The following SLC4A11 variants were observed in gnomAD, a reference collection of about 807,000 sequenced individuals.
SLC4A11 encodes the protein bicarbonate transporter related protein 1.
A neutral mutation model predicts 95.0 loss-of-function variants in SLC4A11; 74 were observed. That is an observed-to-expected ratio of 0.78 (90% confidence interval 0.65 to 0.95). SLC4A11 has a LOEUF of 0.95. Among genes scored for constraint, SLC4A11 ranks in the 40% least tolerant of loss-of-function variants. The pLI is 0.00. For synonymous variants in SLC4A11, 548 were observed against 519.0 expected, an observed-to-expected ratio of 1.06 and a Z score of -0.76; for missense variants, 1,081 against 1,192.4, an observed-to-expected ratio of 0.91 and a Z score of 1.38.
chr20:3,228,813 C>A, intron 17 of SLC4A11, 25 bp downstream of exon 17: 1 of 1,613,580 alleles, frequency 6.2e-7, no homozygotes, highest in Non-Finnish European at 8.5e-7. Flanking sequence ...TCAGGGTCCA[C>A]GGCTCTTGCC....
At chr20:3,233,856 C>T in intron 6 of SLC4A11, 65 bp downstream of exon 6, 1 of 1,582,616 alleles carries the variant, frequency 6.3e-7, no homozygotes, top group South Asian at 1.1e-5. Flanking sequence ...CTGCAGGGCA[C>T]AGGGGACATG....
chr20:3,236,025 G>A (rs1440108359), intron 2 of SLC4A11, among the ~76,000 whole-genome samples: 1 of 152,122 alleles, frequency 6.6e-6, no homozygotes, highest in South Asian at 2.1e-4. Context: ...CAGGAAAGGG[G>A]CCCTTATAGC....
In SLC4A11 at chr20:3,228,533, C is replaced by A. The variant is rs951150767; in HGVS notation, c.2367G>T (p.Val789=). 1.2e-6 allele frequency: 2 copies of A among 1,612,980 alleles called. No homozygotes were observed. The highest frequency in any genetic ancestry group is 2.7e-5 in the African/African-American group (2 of 74,920). ...SLDGNQLVQR[V]ALLLKEQTAY... ...TCACCTGCTCCTTGAGCAGCAGGGC[C>A]ACGCGCTGGACGAGCTGGTTGCCAT... Residue 789 remains valine (V), a synonymous_variant, in exon 18 of 20, where the codon GTG becomes GTT. Transcript: ENST00000642402.
chr20:3,229,307 G>A, intron 15 of SLC4A11, 39 bp downstream of exon 15: 1 of 1,613,024 alleles, frequency 6.2e-7, no homozygotes, highest in Non-Finnish European at 8.5e-7. Flanking sequence ...AGCGCCTGGG[G>A]AGCTACCCCA....
At chr20:3,235,132 G>A (rs981386919) in intron 2 of SLC4A11, among the ~76,000 whole-genome samples, 4 of 152,198 alleles carry the variant, frequency 2.6e-5, no homozygotes, top group East Asian at 1.9e-4. Context: ...AGGACCCTGC[G>A]CAGCTTTGAC....
At chr20:3,232,678 A>G (rs778335752) in intron 7 of SLC4A11, among the ~76,000 whole-genome samples, 9 of 152,250 alleles carry the variant, frequency 5.9e-5, no homozygotes, top group Non-Finnish European at 1.0e-4. Context: ...ACACCTCAAC[A>G]TTCCAGCCTG....
Position 3,234,702 on chromosome 20 carries a change from C to T in SLC4A11, c.241+40G>A, listed in dbSNP as rs780928373. Reference sequence around the variant, plus strand: ...AAGGCGAGTCACACCTGCCCAGTCCCGTGCCTTCCCCCAGTCTGCCCCTGC... The same window carrying T: ...AAGGCGAGTCACACCTGCCCAGTCCTGTGCCTTCCCCCAGTCTGCCCCTGC... On this transcript the variant is annotated intron_variant, in intron 3 of 19. Transcript: ENST00000642402. The surrounding 1 kb of genome is among the most constrained non-coding windows in gnomAD (Gnocchi z 5.8). The T allele has an allele frequency of 1.2e-5, 20 of 1,613,754 alleles. No homozygotes were observed. Among genetic ancestry groups the T allele is most frequent in the South Asian group, 7.7e-5 (7 of 91,082 alleles).
At chr20:3,236,978 C>T (rs1408478771) in intron 2 of SLC4A11, among the ~76,000 whole-genome samples, 1 of 152,154 alleles carries the variant, frequency 6.6e-6, no homozygotes, top group Non-Finnish European at 1.5e-5. Context: ...GTCCTGAGGG[C>T]TCTGGGTAAG....
chr20:3,228,477 ACCCACGCCACT>A, intron 18 of SLC4A11, 24 bp downstream of exon 18: 1 of 1,612,126 alleles, frequency 6.2e-7, no homozygotes, highest in Non-Finnish European at 8.5e-7. Context: ...CTGTGTCCCC[ACCCACGCCACT>A]CCCTCGCAGG....
rs1348429438 is a variant in SLC4A11, at chr20:3,230,241, C to T, written c.1435G>A (p.Ala479Thr). Residue 479 changes from alanine (A) to threonine (T), a missense_variant, in exon 13 of 20, where the codon GCC becomes ACC. Ala to Thr is a moderately conservative substitution (Grantham distance 58). Coordinates refer to ENST00000642402, the MANE Select transcript of SLC4A11 (RefSeq NM_001174089.2). The part of the protein sequence containing the change: ...LFKRSTEEII[A>T]LFISITFVLD... ...ACAAACGTGATGGAAATGAAGAGGG[C>T]GATGATCTCCTCCGTCGACCTGCCA... 4.3e-6 allele frequency: 7 copies of T among 1,613,454 alleles called. No individual in the cohort carries two copies. Among genetic ancestry groups the T allele is most frequent in the Admixed American group, 1.7e-5 (1 of 60,006 alleles).
In SLC4A11 at chr20:3,238,126, A is replaced by G. The variant is rs1266345155; in HGVS notation, c.44-538T>C. The G allele has an allele frequency of 1.2e-5, 17 of 1,453,656 alleles. No individual in the cohort carries two copies. The Admixed American group carries it at 4.7e-4, about 40-fold the overall frequency. 90.0% of individuals were successfully genotyped at this position (1,453,656 alleles called of 1,614,324 possible). A position where few individuals can be genotyped will look rare whatever the true frequency, so the allele number is the denominator to read the frequency against. On this transcript the variant is annotated intron_variant, in intron 1 of 19. Transcript: ENST00000642402. ...CGGGTCACACGGGGGCCGACAGGCA[A>G]CGGTCTCCAGTCCTGGGACCGCGTC... is the stretch of plus-strand genomic sequence containing the variant.
chr20:3,229,355 C>T lies in SLC4A11; in HGVS notation c.1840G>A (p.Glu614Lys). ...CCCGGCCCCAACTCACTCTCGATTT[C>T]CCGGAAGCCATGGGAGCTGATGAGG... is the stretch of plus-strand genomic sequence containing the variant. The part of the protein sequence containing the change: ...FSLISSHGFR[E>K]IEMSKFRYNP... Residue 614 changes from glutamate (E) to lysine (K), a missense_variant, in exon 15 of 20, where the codon GAA becomes AAA. Coordinates refer to ENST00000642402, the MANE Select transcript of SLC4A11 (RefSeq NM_001174089.2). 2 of 1,613,270 alleles carry T rather than the reference C, an allele frequency of 1.2e-6. No individual in the cohort carries two copies. The highest frequency in any genetic ancestry group is 2.2e-5 in the South Asian group (2 of 91,086).
At position 3,231,349 on chromosome 20, in the gene SLC4A11, G is replaced by C. The variant is rs2067770329; in HGVS notation, c.929C>G (p.Pro310Arg). Reference protein sequence around the residue: ...RTKERSTVSLPAHRHPEPPKC... With the variant: ...RTKERSTVSLRAHRHPEPPKC... ...CTGTACCTCTGGGTGTCTGTGGGCA[G>C]GGAGGGAGACTGTGCTGCGTTCCTT... The change falls in exon 8 of 20, where the codon CCT becomes CGT. Residue 310 changes from proline to arginine, a missense_variant. By Grantham distance (103) the Pro-to-Arg change is moderately radical. Around this residue, in one of 3 missense-constraint regions of SLC4A11, gnomAD observed 767 missense variants for 858.0 expected, o/e 0.89. Coordinates refer to ENST00000642402, the MANE Select transcript of SLC4A11 (RefSeq NM_001174089.2). The surrounding 1 kb of genome is among the most constrained non-coding windows in gnomAD (Gnocchi z 5.2). 6.2e-7 allele frequency: 1 copy of C among 1,614,008 alleles called. No homozygotes were observed. Among genetic ancestry groups the C allele is most frequent in the African/African-American group, 1.3e-5 (1 of 75,052 alleles).
At position 3,231,976 on chromosome 20, in the gene SLC4A11, T is replaced by G. The variant is rs1427620107; in HGVS notation, c.730-428A>C. On this transcript the variant is annotated intron_variant, in intron 7 of 19. Transcript: ENST00000642402. The surrounding 1 kb of genome is among the most constrained non-coding windows in gnomAD (Gnocchi z 5.2). Reference sequence around the variant, plus strand: ...CCCAGATGCTGGTAGCAGGTTTTATTCCACAAAGTTCAGGCATTAGTGTAC... The same window carrying G: ...CCCAGATGCTGGTAGCAGGTTTTATGCCACAAAGTTCAGGCATTAGTGTAC... 2.6e-5 allele frequency among the ~76,000 whole-genome samples: 4 copies of G among 152,156 alleles called. No homozygotes were observed. Among genetic ancestry groups the G allele is most frequent in the African/African-American group, 7.2e-5 (3 of 41,430 alleles).
Position 3,227,578 on chromosome 20 carries a change from C to G in SLC4A11, c.*209G>C, listed in dbSNP as rs570093589. 1.4e-5 allele frequency: 9 copies of G among 622,852 alleles called. 1 individual carries two copies. In the South Asian group the frequency reaches 1.6e-4, roughly 11 times the overall value. 38.6% of individuals were successfully genotyped at this position (622,852 alleles called of 1,614,324 possible). A position where few individuals can be genotyped will look rare whatever the true frequency, so the allele number is the denominator to read the frequency against. ...TGGGCAGAAGCTGCCCTGAGCAACG[C>G]TCTTGGCCTAAAGCTAAAGGATAAT... On this transcript the variant is annotated 3_prime_UTR_variant, in exon 20 of 20. Coordinates refer to ENST00000642402, the MANE Select transcript of SLC4A11 (RefSeq NM_001174089.2).
intron 16 of SLC4A11, 35 bp downstream of exon 16, chr20:3,229,060 G>GGGGCGCCCCCCCCCCCCCCCCCCCC: frequency 6.5e-7 from 1 of 1,542,148 alleles, no homozygotes; most frequent in Non-Finnish European, 8.7e-7. Flanking sequence ...AGAGGCCCGG[G>GGGGCGCCCCCCCCCCCCCCCCCCCC]CCCCGCCCAC....
chr20:3,238,864 G>C (rs1459990687), intron 1 of SLC4A11: 6 of 1,221,498 alleles, frequency 4.9e-6, no homozygotes, highest in Non-Finnish European at 5.1e-6. Flanking sequence ...AATTCAAGAC[G>C]GCGACAGCAG....
chr20:3,237,965 C>T (rs773188137), intron 1 of SLC4A11: 4 of 1,550,300 alleles, frequency 2.6e-6, no homozygotes, highest in Non-Finnish European at 1.7e-6. Flanking sequence ...CGGGCCCGAG[C>T]GGGCCTCTCC....
At chr20:3,233,676 C>A (rs7269189) in intron 6 of SLC4A11, 39 bp from the exon 7 acceptor site, 121,713 of 1,607,244 alleles carry the variant, frequency 0.076, 5,158 homozygotes, top group Non-Finnish European at 0.085. Context: ...CAGTTGCACC[C>A]CAGGGAGCTG....
Sources: gnomAD v4.1 joint callset for allele counts (sites outside exome capture counted in the v4.1 genomes callset) on GRCh38, gnomAD v4.1.1 for gene constraint, gnomAD v4.1.1 regional missense constraint, Gnocchi (gnomAD v3.1) non-coding constraint, MANE v1.5 for transcripts, NCBI Gene and HGNC (gene_info 2026-07-23, HGNC 2026-07-21) for gene names.